NBPF9: variants seen among roughly 807,000 people sequenced by gnomAD.
The protein encoded by NBPF9 is NBPF member 9, also known as NBPF family member NBPF9.
Under a neutral mutation model 97.8 loss-of-function variants are expected in NBPF9, and 91 were observed. The ratio of observed to expected loss-of-function variants is 0.93; its 90% CI spans 0.79 to 1.11. The LOEUF (loss-of-function observed/expected upper bound fraction) is 1.11. NBPF9 is among the 50% of genes least tolerant of loss of function. The pLI is 0.00. For synonymous variants in NBPF9, 334 were observed against 359.5 expected, an observed-to-expected ratio of 0.93 and a Z score of 0.80; for missense variants, 992 against 939.5, an observed-to-expected ratio of 1.06 and a Z score of -0.73.
intron 21 of NBPF9, 65 bp downstream of exon 21, chr1:149,062,797 T>A (rs1421831916): frequency 6.6e-6 from 5 of 762,956 alleles, no homozygotes; most frequent in African/African-American, 1.7e-5. Flanking sequence ...CACTCTTGTT[T>A]TCCCTGGACC....
chr1:149,084,533 C>A (rs1553657902), intron 5 of NBPF9, among the ~76,000 whole-genome samples: 2 of 147,822 alleles, frequency 1.4e-5, no homozygotes, highest in African/African-American at 2.5e-5. Context: ...CTCTCCGCCT[C>A]CCCCACCCAC....
At chr1:149,073,634 T>G (rs1376699503) in intron 13 of NBPF9, 134 bp downstream of exon 13, 1 of 729,808 alleles carries the variant, frequency 1.4e-6, no homozygotes, top group East Asian at 2.5e-5. Context: ...TAAATATTTG[T>G]GTGTAGCGAG....
In NBPF9 at chr1:149,059,901, C is replaced by A. The variant is rs2078488921; in HGVS notation, c.2477-93G>T. On this transcript the variant is annotated intron_variant, in intron 24 of 29. Transcript: ENST00000584027. ...CTAATCCTCACACAGGGACCTCAGG[C>A]TCCTCAGCATAAGAATAGGACACTG... 16 of 473,904 alleles carry A rather than the reference C, an allele frequency of 3.4e-5. 6 individuals carry two copies. The South Asian group carries it at 3.6e-4, about 11-fold the overall frequency. 29.4% of individuals were successfully genotyped at this position (473,904 alleles called of 1,614,324 possible). A position where few individuals can be genotyped will look rare whatever the true frequency, so the allele number is the denominator to read the frequency against.
chr1:149,076,528 A>T, intron 11 of NBPF9, among the ~76,000 whole-genome samples: 1 of 140,682 alleles, frequency 7.1e-6, no homozygotes. Flanking sequence ...TTTGAGATGG[A>T]GTCTCGCTCT....
At position 149,060,940 on chromosome 1, in the gene NBPF9, G is replaced by T. The variant is rs1346472156; in HGVS notation, c.2304-245C>A. On this transcript the variant is annotated intron_variant, in intron 23 of 29. Transcript: ENST00000584027. ...ACACACACACAAACACACACACACA[G>T]AGAACGAGCTCAGTGAATTGTCCAG... 24 of 411,042 alleles carry T rather than the reference G, an allele frequency of 5.8e-5. 6 individuals are homozygous for T. The highest frequency in any genetic ancestry group is 5.3e-4 in the South Asian group (19 of 35,918). The allele number at this position is 411,042 out of a possible 1,614,324, so 25.5% of individuals were successfully genotyped here.
intron 12 of NBPF9, 63 bp downstream of exon 12, chr1:149,075,592 T>C: frequency 2.1e-6 from 3 of 1,448,572 alleles, no homozygotes; most frequent in Non-Finnish European, 1.9e-6. Context: ...GAGCACTTAG[T>C]TCCTCAGAGA....
intron 21 of NBPF9, among the ~76,000 whole-genome samples, 187 bp from the exon 22 acceptor site, chr1:149,062,452 A>G (rs1259652782): frequency 6.9e-6 from 1 of 144,302 alleles, no homozygotes; most frequent in African/African-American, 2.6e-5. Flanking sequence ...TGAAAGAGAA[A>G]GACAGGGAGA....
At chr1:149,071,786 A>C in intron 14 of NBPF9, 110 bp from the exon 15 acceptor site, 1 of 681,126 alleles carries the variant, frequency 1.5e-6, no homozygotes, top group Non-Finnish European at 2.5e-6. Flanking sequence ...TCACCGTTCA[A>C]CTGAAAACTC....
chr1:149,073,312 G>C (rs2079565621), intron 13 of NBPF9, among the ~76,000 whole-genome samples: 1 of 141,340 alleles, frequency 7.1e-6, no homozygotes. Context: ...ACAGAAATGA[G>C]GCCAGGGGCA....
At chr1:149,055,283 C>T (rs1367884993) in exon 30 of NBPF9, 4 of 390,778 alleles carry the variant, frequency 1.0e-5, no homozygotes, top group South Asian at 5.3e-5. Flanking sequence ...CAGGGTAACA[C>T]CTTTGGATGA....
intron 12 of NBPF9, among the ~76,000 whole-genome samples, chr1:149,075,105 T>C (rs510694): frequency 1.0e-4 from 15 of 147,164 alleles, no homozygotes; most frequent in East Asian, 6.1e-4. Context: ...CCACCATGCA[T>C]GGCCCCTACT....
chr1:149,083,100 G>T (rs146028816), intron 5 of NBPF9, among the ~76,000 whole-genome samples: 1 of 150,964 alleles, frequency 6.6e-6, no homozygotes, highest in Non-Finnish European at 1.5e-5. Context: ...GAGCCACCGC[G>T]CCCGGCCGAC....
At chr1:149,062,255 C>T in exon 22 of NBPF9, 1 of 823,600 alleles carries the variant, frequency 1.2e-6, no homozygotes, top group Non-Finnish European at 2.1e-6. Context: ...TCCAGCAGCT[C>T]CCTGCTGAGC....
intron 5 of NBPF9, among the ~76,000 whole-genome samples, chr1:149,084,269 TATATATATTATATATACAC>T (rs2080789562): frequency 1.4e-5 from 2 of 146,812 alleles, no homozygotes; most frequent in Non-Finnish European, 3.0e-5. Flanking sequence ...TATACACGTG[TATATATATTATATATACAC>T]ATATATACAT....
intron 5 of NBPF9, among the ~76,000 whole-genome samples, chr1:149,084,450 T>C (rs2080821925): frequency 6.8e-6 from 1 of 147,040 alleles, no homozygotes; most frequent in South Asian, 2.1e-4. Context: ...ATATTTTTCT[T>C]TTTTAAGTGG....
At chr1:149,073,707 C>T (rs1384569093) in intron 13 of NBPF9, 61 bp downstream of exon 13, 1 of 1,323,222 alleles carries the variant, frequency 7.6e-7, no homozygotes, top group Non-Finnish European at 1.1e-6. Flanking sequence ...CCCCACCGAG[C>T]TGCTGTACTT....
At chr1:149,074,964 A>T (rs1484996294) in intron 12 of NBPF9, among the ~76,000 whole-genome samples, 6 of 151,092 alleles carry the variant, frequency 4.0e-5, no homozygotes, top group Non-Finnish European at 7.4e-5. Context: ...GTCACCTGCC[A>T]CCACGCCCAT....
rs1242815792 is a variant in NBPF9 at position 149,061,016 on chromosome 1, G to T, written c.2303+316C>A. 4.0e-4 allele frequency: 164 copies of T among 415,178 alleles called. 1 individual carries two copies. The highest frequency in any genetic ancestry group is 3.8e-3 in the African/African-American group (145 of 38,504). 25.7% of individuals were successfully genotyped at this position (415,178 alleles called of 1,614,324 possible). ...GGACACTCTGAGTTAGTGCCCTCAG[G>T]ACACACAGCATACAGGGATCATGAA... On this transcript the variant is annotated intron_variant, in intron 23 of 29. Coordinates refer to ENST00000584027, the Ensembl canonical transcript of NBPF9.
intron 4 of NBPF9, among the ~76,000 whole-genome samples, chr1:149,097,431 T>A (rs1459326532): frequency 6.6e-6 from 1 of 152,178 alleles, no homozygotes; most frequent in Non-Finnish European, 1.5e-5. Flanking sequence ...TAAGTTCTGG[T>A]GCCCCAAAGA....
Sources: allele counts gnomAD v4.1 joint callset (sites outside exome capture counted in the v4.1 genomes callset), GRCh38; gene constraint gnomAD v4.1.1; transcripts MANE v1.5; gene names NCBI Gene and HGNC (gene_info 2026-07-23, HGNC 2026-07-21).